ATE1: variants seen among roughly 807,000 people sequenced by gnomAD.
The protein encoded by ATE1 is arginyl-tRNA--protein transferase 1.
Under a neutral mutation model 70.5 loss-of-function variants are expected in ATE1, and 36 were observed. The observed-to-expected ratio is 0.51, with a 90% CI of 0.39 to 0.67. The LOEUF (loss-of-function observed/expected upper bound fraction) is 0.67, where lower values mean the gene tolerates loss of function less well. ATE1 is among the 30% of genes least tolerant of loss of function. The pLI is 0.00. For missense variants in ATE1, 593 were observed against 629.5 expected (o/e 0.94, Z 0.62); for synonymous variants, 232 against 219.3 (o/e 1.06, Z -0.51).
chr10:121,849,997 G>C (rs1474313181), intron 8 of ATE1, among the ~76,000 whole-genome samples: 5 of 152,066 alleles, frequency 3.3e-5, no homozygotes, highest in Admixed American at 6.5e-5. Context: ...TCAATACAAA[G>C]ATTTATCTAT....
intron 10 of ATE1, among the ~76,000 whole-genome samples, chr10:121,825,420 C>T (rs1947968723): frequency 6.6e-6 from 1 of 152,154 alleles, no homozygotes; most frequent in African/African-American, 2.4e-5. Context: ...AAAAATTTTT[C>T]AGATGTTCAC....
intron 8 of ATE1, among the ~76,000 whole-genome samples, chr10:121,863,074 T>C (rs1949532202): frequency 6.6e-6 from 1 of 152,210 alleles, no homozygotes; most frequent in South Asian, 2.1e-4. Flanking sequence ...CTGAGAAAGT[T>C]GTCCTGAAGT....
chr10:121,794,661 TAAAAAAAAAAAA>T (rs374044559), intron 10 of ATE1, among the ~76,000 whole-genome samples: 1 of 65,732 alleles, frequency 1.5e-5, no homozygotes, highest in South Asian at 7.1e-4. Flanking sequence ...GAATGTCTGG[TAAAAAAAAAAAA>T]AAAAAAAAGA....
At chr10:121,899,570 G>A (rs1229237864) in intron 7 of ATE1, among the ~76,000 whole-genome samples, 1 of 152,050 alleles carries the variant, frequency 6.6e-6, no homozygotes, top group Non-Finnish European at 1.5e-5. Context: ...TTCCTCACAG[G>A]TATTTTAATT....
At chr10:121,921,012 AAAC>A (rs1951860706) in intron 3 of ATE1, among the ~76,000 whole-genome samples, 1 of 152,040 alleles carries the variant, frequency 6.6e-6, no homozygotes, top group Non-Finnish European at 1.5e-5. Context: ...AAAAAAAAAA[AAAC>A]TGGACTCTAA....
At chr10:121,885,265 A>T (rs1950349875) in intron 7 of ATE1, among the ~76,000 whole-genome samples, 1 of 145,918 alleles carries the variant, frequency 6.9e-6, no homozygotes, top group Non-Finnish European at 1.5e-5. Flanking sequence ...CGTCTCAAAA[A>T]AAAAAAAAAA....
intron 7 of ATE1, among the ~76,000 whole-genome samples, chr10:121,898,221 T>C (rs146559651): frequency 6.6e-6 from 1 of 152,320 alleles, no homozygotes; most frequent in African/African-American, 2.4e-5. Flanking sequence ...CCCCAACTTA[T>C]AATGGTTGGA....
intron 10 of ATE1, among the ~76,000 whole-genome samples, chr10:121,824,553 G>A (rs1590398963): frequency 6.6e-6 from 1 of 152,266 alleles, no homozygotes; most frequent in East Asian, 1.9e-4. Context: ...ATCAAGCTGA[G>A]ACATTCACAT....
intron 3 of ATE1, among the ~76,000 whole-genome samples, chr10:121,920,932 T>G (rs1951856324): frequency 6.6e-6 from 1 of 151,694 alleles, no homozygotes; most frequent in East Asian, 1.9e-4. Flanking sequence ...AGGCAGAGGT[T>G]GCAGTGAGCC....
At chr10:121,916,519 A>G (rs1951665211) in intron 3 of ATE1, among the ~76,000 whole-genome samples, 1 of 152,054 alleles carries the variant, frequency 6.6e-6, no homozygotes, top group Non-Finnish European at 1.5e-5. Context: ...CCAAGAAAGA[A>G]GGGTTTCCAA....
chr10:121,873,015 T>C (rs2134043039), intron 7 of ATE1, among the ~76,000 whole-genome samples: 1 of 152,288 alleles, frequency 6.6e-6, no homozygotes, highest in East Asian at 1.9e-4. Context: ...ATAACAATCG[T>C]AGGTTAACAT....
At chr10:121,831,559 T>C (rs1948238285) in intron 10 of ATE1, among the ~76,000 whole-genome samples, 1 of 152,214 alleles carries the variant, frequency 6.6e-6, no homozygotes, top group Admixed American at 6.5e-5. Context: ...TGACTTGACA[T>C]CCATTGGATT....
intron 6 of ATE1, among the ~76,000 whole-genome samples, chr10:121,900,386 CCACT>C (rs1950934150): frequency 6.6e-6 from 1 of 152,114 alleles, no homozygotes; most frequent in Non-Finnish European, 1.5e-5. Flanking sequence ...CATTTTTTGG[CCACT>C]CATTCATCAT....
chr10:121,812,423 G>A (rs895088206), intron 10 of ATE1, among the ~76,000 whole-genome samples: 2 of 152,024 alleles, frequency 1.3e-5, no homozygotes, highest in Non-Finnish European at 2.9e-5. Flanking sequence ...GAAATGGGGG[G>A]TGGGGAGAAG....
chr10:121,794,690 G>A (rs1308889606), intron 10 of ATE1, among the ~76,000 whole-genome samples: 2 of 128,222 alleles, frequency 1.6e-5, no homozygotes, highest in African/African-American at 5.9e-5. Context: ...AAGAACATAT[G>A]TATCATCTCA....
At chr10:121,923,895 C>G (rs1951978557) in intron 2 of ATE1, among the ~76,000 whole-genome samples, 1 of 152,148 alleles carries the variant, frequency 6.6e-6, no homozygotes, top group Non-Finnish European at 1.5e-5. Context: ...AAAAAGACCT[C>G]TCTCTTAGAG....
chr10:121,740,982 G>A lies in ATE1; in HGVS notation c.*2698C>T, dbSNP rs534280799. 7.9e-5 allele frequency: 12 copies of A among 152,170 alleles called. No homozygotes were observed. The South Asian group carries it at 2.3e-3, about 29-fold the overall frequency. The allele number at this position is 152,170 out of a possible 1,614,324, so 9.4% of individuals were successfully genotyped here. A position where few individuals can be genotyped will look rare whatever the true frequency, so the allele number is the denominator to read the frequency against. The stretch of plus-strand genomic sequence containing the variant: ...GAATGGAAATAATTTAAATAAGGAC[G>A]GTAGCAAGGGGAATTGAAATTACAT... On this transcript the variant is annotated 3_prime_UTR_variant, in exon 12 of 12. Transcript: ENST00000224652.
At chr10:121,796,726 T>C (rs1245024846) in intron 10 of ATE1, among the ~76,000 whole-genome samples, 2 of 152,164 alleles carry the variant, frequency 1.3e-5, no homozygotes, top group South Asian at 2.1e-4. Context: ...CAAAGTTAAA[T>C]CTAAAACATT....
chr10:121,746,413 A>T (rs1357402512), intron 11 of ATE1, among the ~76,000 whole-genome samples: 1 of 152,230 alleles, frequency 6.6e-6, no homozygotes, highest in Admixed American at 6.5e-5. Context: ...ACACAAACTC[A>T]TCTTTTTTTA....
Sources: allele counts gnomAD v4.1 joint callset (sites outside exome capture counted in the v4.1 genomes callset), GRCh38; gene constraint gnomAD v4.1.1; transcripts MANE v1.5; gene names NCBI Gene and HGNC (gene_info 2026-07-23, HGNC 2026-07-21).